The following ENPP1 variants were observed in gnomAD, a reference collection of about 807,000 sequenced individuals.
ENPP1 encodes the protein ectonucleotide pyrophosphatase/phosphodiesterase 1, also known as ectonucleotide pyrophosphatase/phosphodiesterase family member 1.
In ENPP1, 73 loss-of-function variants were observed where a neutral mutation model predicts 122.8. That is an observed-to-expected ratio of 0.59 (90% CI 0.49 to 0.72). ENPP1 has a LOEUF of 0.72. ENPP1 is among the 30% of genes least tolerant of loss of function. The pLI is 0.00. For synonymous variants in ENPP1, 367 were observed against 391.6 expected (o/e 0.94, Z 0.74); for missense variants, 978 against 1,128.1 (o/e 0.87, Z 1.91).
At chr6:131,881,642 G>T (rs936311032) in intron 20 of ENPP1, among the ~76,000 whole-genome samples, 13 of 152,098 alleles carry the variant, frequency 8.5e-5, no homozygotes, top group African/African-American at 2.7e-4. Flanking sequence ...CCAACACTTT[G>T]GGGGGCTGAG....
intron 24 of ENPP1, among the ~76,000 whole-genome samples, chr6:131,890,019 T>G (rs951629878): frequency 6.6e-5 from 10 of 152,230 alleles, no homozygotes; most frequent in Non-Finnish European, 1.5e-4. Flanking sequence ...CAGATATTCT[T>G]TCCCATGCCA....
At chr6:131,860,643 A>G in intron 8 of ENPP1, 137 bp downstream of exon 8, 3 of 655,794 alleles carry the variant, frequency 4.6e-6, no homozygotes, top group Non-Finnish European at 5.4e-6. Context: ...GTAAATGGAG[A>G]TGAATGCTGA....
chr6:131,850,024 AT>A lies in ENPP1; in HGVS notation c.351del (p.Phe117LeufsTer18). 1 of 1,614,050 alleles carries A rather than the reference AT, an allele frequency of 6.2e-7. No individual in the cohort carries two copies. The highest frequency in any genetic ancestry group is 1.7e-5 in the Admixed American group (1 of 59,994). On this transcript the variant is annotated frameshift_variant, in exon 3 of 25. Transcript: ENST00000647893. LOFTEE classifies it high-confidence loss of function. The part of the protein sequence containing the change: ...SCKGRCFERT[F>X]GNCRCDAACV... ...GCAAAGGTCGCTGTTTCGAGAGAAC[AT>A]TTGGGAACTGTCGCTGTGATGCTGC...
chr6:131,877,866 A>AT (rs1468681093), intron 18 of ENPP1: 1 of 53,026 alleles, frequency 1.9e-5, no homozygotes, highest in Non-Finnish European at 3.0e-5. Flanking sequence ...AAAAAAAAAA[A>AT]ATATATATAT....
Position 131,854,896 on chromosome 6 carries a change from A to G in ENPP1, c.618-30A>G, listed in dbSNP as rs771842086. On this transcript the variant is annotated intron_variant, in intron 5 of 24. Transcript: ENST00000647893. ...GGATATGTCTTGTCTTTGCTTCTTTAAACATTTTTTTTTCTTTTTCATTAC... is the reference window on the plus strand; with the variant it reads ...GGATATGTCTTGTCTTTGCTTCTTTGAACATTTTTTTTTCTTTTTCATTAC... 2.0e-6 allele frequency: 3 copies of G among 1,504,146 alleles called. No homozygotes were observed. In the South Asian group the frequency reaches 3.4e-5, roughly 17 times the overall value. 93.2% of individuals were successfully genotyped at this position (1,504,146 alleles called of 1,614,324 possible).
chr6:131,843,856 A>G (rs766280304), intron 1 of ENPP1, among the ~76,000 whole-genome samples: 3 of 151,676 alleles, frequency 2.0e-5, no homozygotes, highest in Non-Finnish European at 4.4e-5. Context: ...AGCCCTCTCT[A>G]TTCCTTCCAC....
At position 131,869,360 on chromosome 6, in the gene ENPP1, A is replaced by G. The variant is rs1782129667; in HGVS notation, c.1276A>G (p.Met426Val). Residue 426 changes from methionine (M) to valine (V), a missense_variant and splice_region_variant, in exon 13 of 25, where the codon ATG becomes GTG. Physicochemically the swap from Met to Val is conservative, Grantham distance 21. Coordinates refer to ENST00000647893, the MANE Select transcript of ENPP1 (RefSeq NM_006208.3). ...LNLILISDHG[M>V]EQGSCKKYIY... is the part of the protein sequence containing the mutation. ...TTGGGATTTTTTTTTTCTCCTAGGC[A>G]TGGAACAAGGCAGTTGTAAGAAATA... 1.2e-6 allele frequency: 2 copies of G among 1,613,224 alleles called. No individual in the cohort carries two copies. The highest frequency in any genetic ancestry group is 1.7e-6 in the Non-Finnish European group (2 of 1,179,504).
intron 17 of ENPP1, among the ~76,000 whole-genome samples, chr6:131,876,388 A>G (rs983858256): frequency 6.6e-6 from 1 of 152,206 alleles, no homozygotes; most frequent in African/African-American, 2.4e-5. Flanking sequence ...TATTCTGATA[A>G]TGGTCCTAGG....
chr6:131,876,236 G>C (rs1279858942), intron 17 of ENPP1, among the ~76,000 whole-genome samples: 1 of 152,176 alleles, frequency 6.6e-6, no homozygotes, highest in Non-Finnish European at 1.5e-5. Flanking sequence ...GGAACTTCTG[G>C]TAGCCATAAT....
chr6:131,809,658 C>G (rs983559654), intron 1 of ENPP1, among the ~76,000 whole-genome samples: 1 of 152,224 alleles, frequency 6.6e-6, no homozygotes, highest in African/African-American at 2.4e-5. Context: ...TGAGGTGTTT[C>G]ACACACGATG....
At chr6:131,864,624 T>C in intron 10 of ENPP1, 53 bp downstream of exon 10, 1 of 1,255,022 alleles carries the variant, frequency 8.0e-7, no homozygotes, top group Non-Finnish European at 1.2e-6. Flanking sequence ...AGAAATGATA[T>C]ACTATTTTAA....
At chr6:131,832,514 G>C (rs1585801280) in intron 1 of ENPP1, among the ~76,000 whole-genome samples, 5 of 152,314 alleles carry the variant, frequency 3.3e-5, no homozygotes, top group African/African-American at 1.2e-4. Context: ...CCTCAGGTGG[G>C]CAGGGAGCCA....
chr6:131,878,584 G>A lies in ENPP1; in HGVS notation c.1936G>A (p.Val646Met). The change falls in exon 19 of 25, where the codon GTG (valine) becomes ATG (methionine). Residue 646 changes from valine (V) to methionine (M), a missense_variant. This residue lies in a region of ENPP1 where 644 missense variants were observed against 781.5 expected (regional missense o/e 0.82). Coordinates refer to ENST00000647893, the MANE Select transcript of ENPP1 (RefSeq NM_006208.3). ...TTTTCAAACACAGTTCAATCTGACTGTGGCAGAAGGTAAGGCATGCTACAC... is the reference window on the plus strand; with the variant it reads ...TTTTCAAACACAGTTCAATCTGACTATGGCAGAAGGTAAGGCATGCTACAC... Reference protein sequence around the residue: ...EDFQTQFNLTVAEEKIIKHET... With the variant: ...EDFQTQFNLTMAEEKIIKHET... The A allele has an allele frequency of 1.2e-6, 2 of 1,612,340 alleles. No homozygotes were observed. The highest frequency in any genetic ancestry group is 2.2e-5 in the East Asian group (1 of 44,852).
intron 9 of ENPP1, among the ~76,000 whole-genome samples, chr6:131,863,203 G>T (rs748293179): frequency 5.9e-5 from 9 of 152,098 alleles, no homozygotes; most frequent in Non-Finnish European, 1.3e-4. Context: ...TATTGCGTTT[G>T]CAAATATTAT....
At chr6:131,888,191 T>C (rs1254075007) in intron 24 of ENPP1, among the ~76,000 whole-genome samples, 1 of 151,480 alleles carries the variant, frequency 6.6e-6, no homozygotes, top group Non-Finnish European at 1.5e-5. Flanking sequence ...TTTTCTCTTA[T>C]GGTGAGCCAA....
In ENPP1 at chr6:131,864,536, T is replaced by C. The variant is rs150279426; in HGVS notation, c.1056T>C (p.Ala352=). ...GSVPFEERIL[A]VLQWLQLPKD... The stretch of plus-strand genomic sequence containing the variant: ...TACCATTTGAAGAAAGGATTTTAGC[T>C]GTTCTTCAGTGGCTACAGCTTCCTA... Residue 352 remains alanine, a synonymous_variant, in exon 10 of 25, where the codon GCT becomes GCC. Coordinates refer to ENST00000647893, the MANE Select transcript of ENPP1 (RefSeq NM_006208.3). 1 of 1,610,430 alleles carries C rather than the reference T, an allele frequency of 6.2e-7. No individual in the cohort carries two copies. Among genetic ancestry groups the C allele is most frequent in the African/African-American group, 1.3e-5 (1 of 74,988 alleles).
intron 15 of ENPP1, among the ~76,000 whole-genome samples, chr6:131,873,320 A>G (rs1782186651): frequency 6.6e-6 from 1 of 152,162 alleles, no homozygotes; most frequent in Non-Finnish European, 1.5e-5. Context: ...GTAATGTGAC[A>G]ACCAAAAATG....
At chr6:131,838,597 A>T (rs1410740057) in intron 1 of ENPP1, among the ~76,000 whole-genome samples, 3 of 151,770 alleles carry the variant, frequency 2.0e-5, no homozygotes, top group Non-Finnish European at 4.4e-5. Flanking sequence ...TAAGAAAAAA[A>T]AAAACCCGAA....
intron 1 of ENPP1, among the ~76,000 whole-genome samples, chr6:131,810,589 AT>A (rs1164211224): frequency 2.6e-5 from 4 of 152,070 alleles, no homozygotes; most frequent in African/African-American, 4.8e-5. Flanking sequence ...TTGTTTTCAG[AT>A]TAAACCTCAG....
Sources: allele counts gnomAD v4.1 joint callset (sites outside exome capture counted in the v4.1 genomes callset), GRCh38; gene constraint gnomAD v4.1.1; regional missense constraint gnomAD v4.1.1; transcripts MANE v1.5; gene names NCBI Gene and HGNC (gene_info 2026-07-23, HGNC 2026-07-21).